ALG2: variants seen among roughly 807,000 people sequenced by gnomAD.
The protein encoded by ALG2 is ALG2 alpha-1,3/1,6-mannosyltransferase, also known as alpha-1,3/1,6-mannosyltransferase ALG2.
A neutral mutation model predicts 30.5 loss-of-function variants in ALG2; 32 were observed. The ratio of observed to expected loss-of-function variants is 1.05; its 90% confidence interval spans 0.79 to 1.41. The LOEUF (loss-of-function observed/expected upper bound fraction) is 1.41, where lower values mean the gene tolerates loss of function less well. ALG2 is among the 40% of genes most tolerant of loss of function. The pLI is 0.00. For missense variants in ALG2, 574 were observed against 526.4 expected, an observed-to-expected ratio of 1.09 and a Z score of -0.88; for synonymous variants, 253 against 224.8, an observed-to-expected ratio of 1.13 and a Z score of -1.12.
In ALG2 at chr9:99,217,737, T is replaced by C; in HGVS notation, c.*197A>G. 1 of 707,988 alleles carries C rather than the reference T, an allele frequency of 1.4e-6. No homozygotes were observed. Among genetic ancestry groups the C allele is most frequent in the Non-Finnish European group, 2.5e-6 (1 of 396,826 alleles). The allele number at this position is 707,988 out of a possible 1,614,324, so 43.9% of individuals were successfully genotyped here. A position where few individuals can be genotyped will look rare whatever the true frequency, so the allele number is the denominator to read the frequency against. ...TTAACACTGGCAAAATTTGGAATGA[T>C]TATAGCATAAAAGACATGGTTTTTC... On this transcript the variant is annotated 3_prime_UTR_variant, in exon 2 of 2. Transcript: ENST00000476832.
rs1414465885 is a variant in ALG2, at chr9:99,216,835, C to T, written c.*1099G>A. The T allele has an allele frequency of 2.2e-6, 1 of 454,120 alleles. No individual in the cohort carries two copies. The highest frequency in any genetic ancestry group is 4.4e-6 in the Non-Finnish European group (1 of 226,800). The allele number at this position is 454,120 out of a possible 1,614,324, so 28.1% of individuals were successfully genotyped here. On this transcript the variant is annotated 3_prime_UTR_variant, in exon 2 of 2. Transcript: ENST00000476832. ...AAAATCATATAGGCTGTTAGGCTCT[C>T]AAGTCTAGCTCTTAAGAGTTGATAA...
rs750417240 is a variant in ALG2 at position 99,217,988 on chromosome 9, G to C, written c.1197C>G (p.Ser399=). The C allele has an allele frequency of 1.4e-5, 23 of 1,614,180 alleles. 1 individual carries two copies. In the East Asian group the frequency reaches 5.1e-4, roughly 36 times the overall value. ...AGRARVKEKF[S]PEAFTEQLYR... ...AGAGCTGTTCTGTAAATGCTTCAGG[G>C]GAAAATTTTTCCTTCACTCTGGCTC... The change falls in exon 2 of 2, where the codon TCC becomes TCG. Residue 399 remains serine, a synonymous_variant. Coordinates refer to ENST00000476832, the MANE Select transcript of ALG2 (RefSeq NM_033087.4).
intron 1 of ALG2, 79 bp downstream of exon 1, chr9:99,221,468 C>T (rs1331275364): frequency 6.9e-7 from 1 of 1,442,506 alleles, no homozygotes; most frequent in East Asian, 2.5e-5. Context: ...CAGGGAAGGT[C>T]TTCTCTCAGG....
chr9:99,217,155 C>G lies in ALG2; in HGVS notation c.*779G>C. 2.2e-6 allele frequency: 1 copy of G among 453,984 alleles called. No homozygotes were observed. The allele number at this position is 453,984 out of a possible 1,614,324, so 28.1% of individuals were successfully genotyped here. A position where few individuals can be genotyped will look rare whatever the true frequency, so the allele number is the denominator to read the frequency against. ...GTCCTATACTTAGTAGGAGCTTGGT[C>G]AAGACAACACAAATATTAACAAAAC... On this transcript the variant is annotated 3_prime_UTR_variant, in exon 2 of 2. Coordinates refer to ENST00000476832, the MANE Select transcript of ALG2 (RefSeq NM_033087.4).
rs201729325 is a variant in ALG2, at chr9:99,218,433, C to A, written c.752G>T (p.Arg251Leu). The A allele has an allele frequency of 1.2e-6, 2 of 1,614,206 alleles. No homozygotes were observed. Among genetic ancestry groups the A allele is most frequent in the Admixed American group, 1.7e-5 (1 of 60,026 alleles). The change falls in exon 2 of 2, where the codon CGT becomes CTT. Residue 251 changes from arginine (R) to leucine (L), a missense_variant. Transcript: ENST00000476832. ...CCAATCTTGGGATGTCAATCTTCCA[C>A]GCAGCTGTACTAGGGCTTCCAGTGC... ...TLALEALVQL[R>L]GRLTSQDWER... is the part of the protein sequence containing the mutation.
chr9:99,221,416 C>A lies in ALG2; in HGVS notation c.348+131G>T, dbSNP rs969449256. 4 of 1,119,856 alleles carry A rather than the reference C, an allele frequency of 3.6e-6. No homozygotes were observed. The African/African-American group carries it at 4.7e-5, about 13-fold the overall frequency. 69.4% of individuals were successfully genotyped at this position (1,119,856 alleles called of 1,614,324 possible). ...AGAGAACCACAGGCTCGCTCACAAC[C>A]CTGACTTCTCCATGTCAGTTCCGAT... On this transcript the variant is annotated intron_variant, in intron 1 of 1. Coordinates refer to ENST00000476832, the MANE Select transcript of ALG2 (RefSeq NM_033087.4).
Position 99,221,796 on chromosome 9 carries a change from C to T in ALG2, c.99G>A (p.Val33=). Residue 33 remains valine (V), a synonymous_variant, in exon 1 of 2, where the codon GTG becomes GTA. Coordinates refer to ENST00000476832, the MANE Select transcript of ALG2 (RefSeq NM_033087.4). Reference sequence around the variant, plus strand: ...CCTGCAGCGCCAGCGCCGCGTCCAACACCAGCCGCTCAGCGCCGCCCACGC... The same window carrying T: ...CCTGCAGCGCCAGCGCCGCGTCCAATACCAGCCGCTCAGCGCCGCCCACGC... ...DLGVGGAERL[V]LDAALALQAR... The T allele has an allele frequency of 1.9e-6, 3 of 1,598,170 alleles. No individual in the cohort carries two copies. The highest frequency in any genetic ancestry group is 1.3e-5 in the African/African-American group (1 of 75,010).
rs1286730428 is a variant in ALG2 at position 99,218,588 on chromosome 9, G to A, written c.597C>T (p.Leu199=). Residue 199 remains leucine (L), a synonymous_variant, in exon 2 of 2, where the codon CTC becomes CTT. Coordinates refer to ENST00000476832, the MANE Select transcript of ALG2 (RefSeq NM_033087.4). ...AGCTGGTGACATTTAGAGATGGATA[G>A]AGGACATCAGGGTCTATGTGAGACA... The part of the protein sequence containing the change: ...KSLSHIDPDV[L]YPSLNVTSFD... The A allele has an allele frequency of 6.2e-7, 1 of 1,614,230 alleles. No homozygotes were observed. The highest frequency in any genetic ancestry group is 8.5e-7 in the Non-Finnish European group (1 of 1,180,040).
intron 1 of ALG2, 39 bp from the exon 2 acceptor site, chr9:99,218,875 A>G: frequency 6.3e-7 from 1 of 1,598,814 alleles, no homozygotes; most frequent in Non-Finnish European, 8.5e-7. Flanking sequence ...AAAGTGGTCA[A>G]CTCAACTTCA....
chr9:99,217,457 C>T lies in ALG2; in HGVS notation c.*477G>A, dbSNP rs756024638. 1 of 454,338 alleles carries T rather than the reference C, an allele frequency of 2.2e-6. No individual in the cohort carries two copies. The highest frequency in any genetic ancestry group is 1.6e-5 in the South Asian group (1 of 64,464). 28.1% of individuals were successfully genotyped at this position (454,338 alleles called of 1,614,324 possible). ...AGAGCACTCTCGCTATGGATCCAGG[C>T]AAAGACAGGACAAACAAAAATTCCC... On this transcript the variant is annotated 3_prime_UTR_variant, in exon 2 of 2. Transcript: ENST00000476832.
chr9:99,221,549 G>C lies in ALG2; in HGVS notation c.346C>G (p.Gln116Glu), dbSNP rs754476664. 41 of 1,543,654 alleles carry C rather than the reference G, an allele frequency of 2.7e-5. No individual in the cohort carries two copies. The East Asian group carries it at 9.8e-4, about 37-fold the overall frequency. Reference protein sequence around the residue: ...DEEFDVVVCDQVSACIPVFRL... With the variant: ...DEEFDVVVCDEVSACIPVFRL... ...AGCCGGCCCCGCGGCCGCCTCACCTGGTCGCACACTACCACGTCGAACTCC... is the reference window on the plus strand; with the variant it reads ...AGCCGGCCCCGCGGCCGCCTCACCTCGTCGCACACTACCACGTCGAACTCC... Residue 116 changes from glutamine (Q) to glutamate (E), a missense_variant and splice_region_variant, in exon 1 of 2, where the codon CAG becomes GAG. By Grantham distance (29) the Gln-to-Glu change is conservative. Transcript: ENST00000476832.
chr9:99,220,841 G>A lies in ALG2; in HGVS notation c.348+706C>T, dbSNP rs540418524. 4 of 896,832 alleles carry A rather than the reference G, an allele frequency of 4.5e-6. No individual in the cohort carries two copies. In the South Asian group the frequency reaches 6.4e-5, roughly 14 times the overall value. The allele number at this position is 896,832 out of a possible 1,614,324, so 55.6% of individuals were successfully genotyped here. ...GAGTAGAATAGGACGGGGCTTTTAG[G>A]TTACATCCTTCTATACTACTAAATT... On this transcript the variant is annotated intron_variant, in intron 1 of 1. Coordinates refer to ENST00000476832, the MANE Select transcript of ALG2 (RefSeq NM_033087.4).
rs563410704 is a variant in ALG2 at position 99,217,310 on chromosome 9, A to G, written c.*624T>C. On this transcript the variant is annotated 3_prime_UTR_variant, in exon 2 of 2. Coordinates refer to ENST00000476832, the MANE Select transcript of ALG2 (RefSeq NM_033087.4). Reference sequence around the variant, plus strand: ...GATTTCCAGTTTGGTTGTCATATCCATGTTCGTAACAATACCAAAATAGAT... The same window carrying G: ...GATTTCCAGTTTGGTTGTCATATCCGTGTTCGTAACAATACCAAAATAGAT... The G allele has an allele frequency of 1.1e-5, 5 of 454,164 alleles. No individual in the cohort carries two copies. Among genetic ancestry groups the G allele is most frequent in the Non-Finnish European group, 1.8e-5 (4 of 226,802 alleles). The allele number at this position is 454,164 out of a possible 1,614,324, so 28.1% of individuals were successfully genotyped here.
intron 1 of ALG2, chr9:99,221,027 T>C (rs1464035393): frequency 7.4e-7 from 1 of 1,353,270 alleles, no homozygotes; most frequent in South Asian, 1.1e-5. Context: ...GGGAGCCATG[T>C]ACAAGTTTTA....
In ALG2 at chr9:99,218,803, T is replaced by C. The variant is rs369029000; in HGVS notation, c.382A>G (p.Arg128Gly). The C allele has an allele frequency of 3.1e-5, 50 of 1,607,780 alleles. No homozygotes were observed. Among genetic ancestry groups the C allele is most frequent in the Admixed American group, 5.0e-5 (3 of 60,004 alleles). Reference protein sequence around the residue: ...SACIPVFRLARRRKKILFYCH... With the variant: ...SACIPVFRLAGRRKKILFYCH... ...TAAAATAGGATCTTCTTCCGCCGTC[T>C]AGCCAGCCTGAACACTGGGATACAG... The change falls in exon 2 of 2, where the codon AGA becomes GGA. Residue 128 changes from arginine (R) to glycine (G), a missense_variant. By Grantham distance (125) the Arg-to-Gly change is moderately radical. Transcript: ENST00000476832.
At position 99,218,032 on chromosome 9, in the gene ALG2, T is replaced by C. The variant is rs1340353164; in HGVS notation, c.1153A>G (p.Thr385Ala). ...CTGGCTCTTCCAGCCAGGCCCATGGTGGCTTTTAAGGAAGGTTCACGGATG... is the reference window on the plus strand; with the variant it reads ...CTGGCTCTTCCAGCCAGGCCCATGGCGGCTTTTAAGGAAGGTTCACGGATG... ...KFIREPSLKA[T>A]MGLAGRARVK... The change falls in exon 2 of 2, where the codon ACC becomes GCC. Residue 385 changes from threonine to alanine, a missense_variant. Physicochemically the swap from Thr to Ala is moderately conservative, Grantham distance 58. Transcript: ENST00000476832. The C allele has an allele frequency of 1.2e-6, 2 of 1,614,230 alleles. No individual in the cohort carries two copies. Among genetic ancestry groups the C allele is most frequent in the Non-Finnish European group, 1.7e-6 (2 of 1,180,038 alleles).
Position 99,221,549 on chromosome 9 carries a change from G to A in ALG2, c.346C>T (p.Gln116Ter). 1.3e-6 allele frequency: 2 copies of A among 1,543,654 alleles called. No homozygotes were observed. The highest frequency in any genetic ancestry group is 1.7e-6 in the Non-Finnish European group (2 of 1,146,216). Reference protein sequence around the residue: ...DEEFDVVVCDQVSACIPVFRL... With the variant: ...DEEFDVVVCD ...AGCCGGCCCCGCGGCCGCCTCACCT[G>A]GTCGCACACTACCACGTCGAACTCC... is the stretch of plus-strand genomic sequence containing the variant. Residue 116 changes from glutamine to a stop codon, truncating the protein, a stop_gained and splice_region_variant, in exon 1 of 2, where the codon CAG (glutamine) becomes TAG (stop). Coordinates refer to ENST00000476832, the MANE Select transcript of ALG2 (RefSeq NM_033087.4). LOFTEE classifies it high-confidence loss of function.
chr9:99,221,876 G>T lies in ALG2; in HGVS notation c.19C>A (p.Arg7=), dbSNP rs761793563. ...GGCTTGGGAACCGAGTCCCGTTCCC[G>T]GCCCTGCTCCTCCGCCATGGCCCTG... MAEEQG[R]ERDSVPKPSV... Residue 7 remains arginine (R), a synonymous_variant, in exon 1 of 2, where the codon CGG becomes AGG. Transcript: ENST00000476832. 1.3e-6 allele frequency: 2 copies of T among 1,589,602 alleles called. No individual in the cohort carries two copies. Among genetic ancestry groups the T allele is most frequent in the African/African-American group, 1.3e-5 (1 of 74,820 alleles).
At position 99,216,752 on chromosome 9, in the gene ALG2, T is replaced by C. The variant is rs996897017; in HGVS notation, c.*1182A>G. 3.3e-5 allele frequency: 15 copies of C among 453,624 alleles called. No individual in the cohort carries two copies. The highest frequency in any genetic ancestry group is 2.4e-4 in the African/African-American group (12 of 50,052). 28.1% of individuals were successfully genotyped at this position (453,624 alleles called of 1,614,324 possible). A position where few individuals can be genotyped will look rare whatever the true frequency, so the allele number is the denominator to read the frequency against. ...TAACCGCACTATGAGGAAAGTAGAA[T>C]AGTACAATTATCTCACTTTGCAGAT... On this transcript the variant is annotated 3_prime_UTR_variant, in exon 2 of 2. Transcript: ENST00000476832.
Sources: allele counts gnomAD v4.1 joint callset, GRCh38; gene constraint gnomAD v4.1.1; transcripts MANE v1.5; gene names NCBI Gene and HGNC (gene_info 2026-07-23, HGNC 2026-07-21).